RAB27A: variants seen among roughly 807,000 people sequenced by gnomAD.
RAB27A encodes ras-related protein Rab-27A.
In RAB27A, 17 loss-of-function variants were observed where a neutral mutation model predicts 20.8. The observed-to-expected ratio is 0.82, with a 90% CI of 0.56 to 1.23. RAB27A has a LOEUF of 1.23. Among genes scored for constraint, RAB27A ranks in the 50% most tolerant of loss-of-function variants. The pLI, the probability that RAB27A is intolerant of heterozygous loss-of-function variation, is 0.00. For synonymous variants in RAB27A, 85 were observed against 92.8 expected (o/e 0.92, Z 0.48); for missense variants, 277 against 266.7 (o/e 1.04, Z -0.27).
chr15:55,302,731 A>C, intron 2 of RAB27A, among the ~76,000 whole-genome samples: 1 of 104,410 alleles, frequency 9.6e-6, no homozygotes, highest in Non-Finnish European at 1.8e-5. Flanking sequence ...CCGCCGCCCC[A>C]TCTGGGATGT....
intron 6 of RAB27A, among the ~76,000 whole-genome samples, chr15:55,207,927 A>G: frequency 6.6e-6 from 1 of 152,194 alleles, no homozygotes; most frequent in Non-Finnish European, 1.5e-5. Flanking sequence ...AAGTGCTGGG[A>G]TAACAGGCAT....
rs891946275 is a variant in RAB27A, at chr15:55,228,660, G to C, written c.292C>G (p.Leu98Val). Reference protein sequence around the residue: ...FFRDAMGFLLLFDLTNEQSFL... With the variant: ...FFRDAMGFLLVFDLTNEQSFL... ...CTTTGCTCATTTGTCAGATCAAAAA[G>C]TAGAAGAAAACCCATAGCATCTCTG... Residue 98 changes from leucine (L) to valine (V), a missense_variant, in exon 5 of 7, where the codon CTT becomes GTT. Leu to Val is a conservative substitution (Grantham distance 32). Transcript: ENST00000336787. 6.2e-7 allele frequency: 1 copy of C among 1,613,666 alleles called. No homozygotes were observed. The highest frequency in any genetic ancestry group is 1.3e-5 in the African/African-American group (1 of 74,896).
chr15:55,209,743 CAT>C lies in RAB27A; in HGVS notation c.468-4040_468-4039del, dbSNP rs749051480. On this transcript the variant is annotated intron_variant, in intron 6 of 6. Transcript: ENST00000336787. ...TAATATATATACACATATATATACA[CAT>C]ATATATGTGTATGTGTGTACATATA... 1.2e-4 allele frequency among the ~76,000 whole-genome samples: 17 copies of C among 144,010 alleles called. 1 individual carries two copies. Among genetic ancestry groups the C allele is most frequent in the Admixed American group, 6.7e-4 (10 of 14,840 alleles). The allele number at this position is 144,010 out of a possible 152,430, so 94.5% of individuals were successfully genotyped here. A position where few individuals can be genotyped will look rare whatever the true frequency, so the allele number is the denominator to read the frequency against.
At position 55,271,404 on chromosome 15, in the gene RAB27A, T is replaced by C. The variant is rs549147886; in HGVS notation, c.-142-1120A>G. Among the ~76,000 whole-genome samples the C allele has an allele frequency of 4.6e-5, 7 of 152,298 alleles. No individual in the cohort carries two copies. The East Asian group carries it at 1.4e-3, about 29-fold the overall frequency. On this transcript the variant is annotated intron_variant, in intron 1 of 6. Coordinates refer to ENST00000336787, the MANE Select transcript of RAB27A (RefSeq NM_183235.3). Reference sequence around the variant, plus strand: ...TGGGCCCACCCAGCTGAATCAGAAATTCTGAGGATAGGGCACAGGTGTCTG... The same window carrying C: ...TGGGCCCACCCAGCTGAATCAGAAACTCTGAGGATAGGGCACAGGTGTCTG...
intron 2 of RAB27A, among the ~76,000 whole-genome samples, chr15:55,255,546 C>G (rs1897048213): frequency 6.6e-6 from 1 of 152,174 alleles, no homozygotes; most frequent in South Asian, 2.1e-4. Context: ...TAGCCTTTTC[C>G]TTCCGCTGGT....
At chr15:55,283,310 C>T (rs761316343) in intron 1 of RAB27A, among the ~76,000 whole-genome samples, 1 of 152,166 alleles carries the variant, frequency 6.6e-6, no homozygotes, top group Non-Finnish European at 1.5e-5. Flanking sequence ...CCCCAACTGA[C>T]ATACACTGGT....
intron 2 of RAB27A, among the ~76,000 whole-genome samples, chr15:55,251,977 G>A (rs1896906090): frequency 6.6e-6 from 1 of 152,104 alleles, no homozygotes; most frequent in South Asian, 2.1e-4. Flanking sequence ...TTCATGTCAA[G>A]GCAGCACAAA....
intron 2 of RAB27A, among the ~76,000 whole-genome samples, chr15:55,257,118 C>A (rs889306460): frequency 1.3e-5 from 2 of 152,140 alleles, no homozygotes; most frequent in Non-Finnish European, 2.9e-5. Context: ...ATAATGTTGC[C>A]AACAGAAGCA....
In RAB27A at chr15:55,224,012, C is replaced by T. The variant is rs183582444; in HGVS notation, c.344G>A (p.Ser115Asn). 11 of 1,567,630 alleles carry T rather than the reference C, an allele frequency of 7.0e-6. No individual in the cohort carries two copies. The Admixed American group carries it at 1.2e-4, about 17-fold the overall frequency. ...ACAATATGCATGCATCTGTAGCTGG[C>T]CTATTAATATAAGAAAGTTTATTAT... ...QSFLNVRNWI[S>N]QLQMHAYCEN... Residue 115 changes from serine to asparagine, a missense_variant and splice_region_variant, in exon 6 of 7, where the codon AGC becomes AAC. By Grantham distance (46) the Ser-to-Asn change is conservative. Coordinates refer to ENST00000336787, the MANE Select transcript of RAB27A (RefSeq NM_183235.3).
At chr15:55,241,211 G>T (rs1327284388) in intron 2 of RAB27A, among the ~76,000 whole-genome samples, 1 of 152,092 alleles carries the variant, frequency 6.6e-6, no homozygotes, top group Non-Finnish European at 1.5e-5. Flanking sequence ...TGAAGCCAAG[G>T]TTATATATTT....
chr15:55,285,436 T>C (rs1160568481), intron 1 of RAB27A, among the ~76,000 whole-genome samples: 1 of 152,068 alleles, frequency 6.6e-6, no homozygotes, highest in Non-Finnish European at 1.5e-5. Context: ...TACAAGTACC[T>C]GCAAAACCAG....
chr15:55,215,147 T>C (rs1301812813), intron 6 of RAB27A, among the ~76,000 whole-genome samples: 1 of 152,212 alleles, frequency 6.6e-6, no homozygotes, highest in African/African-American at 2.4e-5. Flanking sequence ...CAATAATGTA[T>C]ACTTCATTTT....
chr15:55,302,836 G>C (rs1472127007), intron 2 of RAB27A, among the ~76,000 whole-genome samples: 780 of 139,426 alleles, frequency 5.6e-3, no homozygotes, highest in Non-Finnish European at 9.4e-3. Flanking sequence ...CCCTCTGCCT[G>C]GCAACCACCC....
intron 6 of RAB27A, among the ~76,000 whole-genome samples, chr15:55,210,067 T>C (rs566132244): frequency 7.4e-6 from 1 of 135,592 alleles, no homozygotes; most frequent in Non-Finnish European, 1.6e-5. Context: ...CATATGTGTG[T>C]GTACATATAC....
chr15:55,205,498 C>A lies in RAB27A; in HGVS notation c.*9G>T, dbSNP rs768429078. The A allele has an allele frequency of 3.1e-6, 5 of 1,613,540 alleles. No homozygotes were observed. Among genetic ancestry groups the A allele is most frequent in the Non-Finnish European group, 3.4e-6 (4 of 1,179,446 alleles). ...GCCACCTGAACTACTATGTCGCTTA[C>A]TTGACTTCTCAACAGCCACATGCCC... On this transcript the variant is annotated 3_prime_UTR_variant, in exon 7 of 7. Transcript: ENST00000336787.
chr15:55,260,002 A>G (rs1362538977), intron 2 of RAB27A: 1 of 152,218 alleles, frequency 6.6e-6, no homozygotes, highest in Non-Finnish European at 1.5e-5. Context: ...ATTGCATTGC[A>G]TTGCATTGGG....
chr15:55,210,434 G>A (rs1050001855), intron 6 of RAB27A, among the ~76,000 whole-genome samples: 4 of 149,698 alleles, frequency 2.7e-5, no homozygotes, highest in Admixed American at 6.6e-5. Context: ...TTGAGGGGGG[G>A]GGAATTACTG....
chr15:55,253,451 G>GAAA (rs34206453), intron 2 of RAB27A, among the ~76,000 whole-genome samples: 1 of 144,130 alleles, frequency 6.9e-6, no homozygotes, highest in Non-Finnish European at 1.5e-5. Flanking sequence ...CGTCTCAAAG[G>GAAA]AAAAAAAAAA....
chr15:55,219,021 C>T (rs968429866), intron 6 of RAB27A, among the ~76,000 whole-genome samples: 2 of 151,940 alleles, frequency 1.3e-5, no homozygotes, highest in African/African-American at 2.4e-5. Flanking sequence ...GGATTACAGG[C>T]ATGAGCCACC....
Sources: allele counts gnomAD v4.1 joint callset (sites outside exome capture counted in the v4.1 genomes callset), GRCh38; gene constraint gnomAD v4.1.1; transcripts MANE v1.5; gene names NCBI Gene and HGNC (gene_info 2026-07-23, HGNC 2026-07-21).